The following CLCN3 variants were observed in gnomAD, a reference collection of about 807,000 sequenced individuals.
CLCN3 encodes the protein Cl-/H+ antiporter 3.
A neutral mutation model predicts 83.4 loss-of-function variants in CLCN3; 16 were observed. That is an observed-to-expected ratio of 0.19 (90% CI 0.13 to 0.29). The LOEUF is 0.29. Among genes scored for constraint, CLCN3 ranks in the 10% least tolerant of loss-of-function variants. The pLI, the probability that CLCN3 is intolerant of heterozygous loss-of-function variation, is 1.00. For missense variants in CLCN3, 544 were observed against 1,006.0 expected, an observed-to-expected ratio of 0.54 and a Z score of 6.21; for synonymous variants, 322 against 346.2, an observed-to-expected ratio of 0.93 and a Z score of 0.78.
chr4:169,698,541 A>G (rs2150257249), intron 9 of CLCN3, among the ~76,000 whole-genome samples: 1 of 152,312 alleles, frequency 6.6e-6, no homozygotes, highest in South Asian at 2.1e-4. Context: ...GAAGTCTTGC[A>G]GCGTGACTTG....
intron 9 of CLCN3, 22 bp downstream of exon 9, chr4:169,697,756 T>C (rs1732622695): frequency 6.5e-7 from 1 of 1,534,442 alleles, no homozygotes; most frequent in Non-Finnish European, 8.8e-7. Context: ...TGTGAGGTGA[T>C]ATTTGGGTAA....
chr4:169,668,965 A>G (rs144564160), intron 2 of CLCN3, among the ~76,000 whole-genome samples: 36 of 152,252 alleles, frequency 2.4e-4, no homozygotes, highest in African/African-American at 8.4e-4. Context: ...TTAGCTGGGG[A>G]GGAGAAGGTA....
At chr4:169,717,696 C>G (rs1733477311) in intron 12 of CLCN3, 3 of 733,916 alleles carry the variant, frequency 4.1e-6, no homozygotes, top group South Asian at 2.1e-5. Flanking sequence ...TCTTATGGTT[C>G]ATGTTTTTAT....
Position 169,697,729 on chromosome 4 carries a change from A to C in CLCN3, c.1558A>C (p.Ile520Leu). 6.2e-7 allele frequency: 1 copy of C among 1,602,724 alleles called. No individual in the cohort carries two copies. Among genetic ancestry groups the C allele is most frequent in the East Asian group, 2.2e-5 (1 of 44,806 alleles). Reference protein sequence around the residue: ...KIIMTVFTFGIKVPSGLFIPS... With the variant: ...KIIMTVFTFGLKVPSGLFIPS... ...CATAATGACAGTATTCACTTTTGGC[A>C]TCAAGGTAAGTGCTAATGTGAGGTG... Residue 520 changes from isoleucine to leucine, a missense_variant, in exon 9 of 13, where the codon ATC becomes CTC. Physicochemically the swap from Ile to Leu is conservative, Grantham distance 5 (BLOSUM62 2). Around this residue, in one of 6 missense-constraint regions of CLCN3, gnomAD observed 194 missense variants for 341.4 expected, o/e 0.57. Coordinates refer to ENST00000513761, the MANE Select transcript of CLCN3 (RefSeq NM_001829.4).
intron 1 of CLCN3, among the ~76,000 whole-genome samples, chr4:169,626,227 A>G (rs557765440): frequency 1.2e-4 from 18 of 152,348 alleles, no homozygotes; most frequent in African/African-American, 4.3e-4. Flanking sequence ...AAGGATACAG[A>G]TGAACAGATG....
At position 169,704,083 on chromosome 4, in the gene CLCN3, A is replaced by G; in HGVS notation, c.1649A>G (p.Tyr550Cys). The G allele has an allele frequency of 2.5e-6, 4 of 1,614,040 alleles. No individual in the cohort carries two copies. Among genetic ancestry groups the G allele is most frequent in the Non-Finnish European group, 3.4e-6 (4 of 1,179,966 alleles). Residue 550 changes from tyrosine to cysteine, a missense_variant, in exon 10 of 13, where the codon TAC (tyrosine) becomes TGC (cysteine). Coordinates refer to ENST00000513761, the MANE Select transcript of CLCN3 (RefSeq NM_001829.4). ...GGGATTGCGGTGGAGCAGCTTGCCT[A>G]CTATCACCACGACTGGTTTATCTTT... Reference protein sequence around the residue: ...IVGIAVEQLAYYHHDWFIFKE... With the variant: ...IVGIAVEQLACYHHDWFIFKE...
intron 2 of CLCN3, among the ~76,000 whole-genome samples, chr4:169,669,046 G>T (rs2150227581): frequency 6.6e-6 from 1 of 152,220 alleles, no homozygotes; most frequent in South Asian, 2.1e-4. Flanking sequence ...ATTGGGTTCT[G>T]TTATAGGAAG....
intron 1 of CLCN3, among the ~76,000 whole-genome samples, chr4:169,631,972 C>A (rs1458286444): frequency 6.6e-6 from 1 of 151,742 alleles, no homozygotes; most frequent in Non-Finnish European, 1.5e-5. Flanking sequence ...GTATTCATAG[C>A]TGAATTCTAT....
At chr4:169,709,949 T>A (rs973961732) in intron 11 of CLCN3, among the ~76,000 whole-genome samples, 9 of 150,858 alleles carry the variant, frequency 6.0e-5, no homozygotes, top group South Asian at 4.2e-4. Flanking sequence ...AAAAAAAAAA[T>A]TGTCTGGGTG....
At chr4:169,636,873 A>G (rs1378744327) in intron 2 of CLCN3, among the ~76,000 whole-genome samples, 10 of 151,784 alleles carry the variant, frequency 6.6e-5, no homozygotes, top group Non-Finnish European at 7.4e-5. Context: ...ATCATAGAAT[A>G]TGTATATCTC....
chr4:169,667,620 G>A (rs910728520), intron 2 of CLCN3, among the ~76,000 whole-genome samples: 2 of 150,776 alleles, frequency 1.3e-5, no homozygotes, highest in African/African-American at 4.8e-5. Context: ...ATGCATGAAT[G>A]ATGCATTTTA....
At chr4:169,640,291 G>T (rs932420172) in intron 2 of CLCN3, among the ~76,000 whole-genome samples, 1 of 152,178 alleles carries the variant, frequency 6.6e-6, no homozygotes, top group Non-Finnish European at 1.5e-5. Flanking sequence ...TGTAGCTCTA[G>T]AACTCAAATA....
intron 1 of CLCN3, among the ~76,000 whole-genome samples, chr4:169,627,805 T>C (rs1177736023): frequency 1.3e-5 from 2 of 152,222 alleles, no homozygotes; most frequent in Non-Finnish European, 2.9e-5. Context: ...ACAAGATTTT[T>C]TTTAGATATG....
intron 2 of CLCN3, among the ~76,000 whole-genome samples, chr4:169,669,815 C>T (rs1390032043): frequency 6.6e-6 from 1 of 152,170 alleles, no homozygotes; most frequent in Non-Finnish European, 1.5e-5. Flanking sequence ...AGCCTTTTTA[C>T]TTAAAGCTTT....
At chr4:169,712,982 C>A in intron 11 of CLCN3, 97 bp from the exon 12 acceptor site, 2 of 843,204 alleles carry the variant, frequency 2.4e-6, no homozygotes, top group Non-Finnish European at 1.9e-6. Context: ...GATCAGAAGT[C>A]ATAGGATACA....
chr4:169,669,125 C>T (rs974574281), intron 2 of CLCN3, among the ~76,000 whole-genome samples: 14 of 151,892 alleles, frequency 9.2e-5, no homozygotes, highest in East Asian at 3.9e-4. Context: ...CCTAATGTGA[C>T]GATAATAAAT....
chr4:169,663,473 G>T (rs1362922768), intron 2 of CLCN3: 1 of 274,706 alleles, frequency 3.6e-6, no homozygotes, highest in African/African-American at 2.4e-5. Context: ...GGGACTGCAG[G>T]CTTGCAACAC....
rs1044174359 is a variant in CLCN3 at position 169,720,217 on chromosome 4, A to G, written c.*220A>G. The G allele has an allele frequency of 4.4e-5, 28 of 637,998 alleles. No homozygotes were observed. Among genetic ancestry groups the G allele is most frequent in the Non-Finnish European group, 6.8e-5 (25 of 367,496 alleles). The allele number at this position is 637,998 out of a possible 1,614,324, so 39.5% of individuals were successfully genotyped here. On this transcript the variant is annotated 3_prime_UTR_variant, in exon 13 of 13. Coordinates refer to ENST00000513761, the MANE Select transcript of CLCN3 (RefSeq NM_001829.4). ...GGAGAGAGAAGGAAAGGAGTGAGGT[A>G]TTTCCCGTCTAACAGAAAGCAGCGT... is the stretch of plus-strand genomic sequence containing the variant.
intron 1 of CLCN3, among the ~76,000 whole-genome samples, chr4:169,631,895 C>G (rs1049143064): frequency 1.3e-5 from 2 of 152,092 alleles, no homozygotes; most frequent in Non-Finnish European, 1.5e-5. Context: ...CTGAACAGAC[C>G]AATATCGAGT....
Sources: gnomAD v4.1 joint callset for allele counts (sites outside exome capture counted in the v4.1 genomes callset) on GRCh38, gnomAD v4.1.1 for gene constraint, gnomAD v4.1.1 regional missense constraint, MANE v1.5 for transcripts, NCBI Gene and HGNC (gene_info 2026-07-23, HGNC 2026-07-21) for gene names.